The following DRD2 variants were observed in gnomAD, a reference collection of about 807,000 sequenced individuals.
The protein encoded by DRD2 is dopamine receptor D2, also known as D(2) dopamine receptor.
DRD2 carries 8 observed loss-of-function variants against 38.0 expected under a neutral mutation model. That is an observed-to-expected ratio of 0.21 (90% CI 0.12 to 0.38). The LOEUF (loss-of-function observed/expected upper bound fraction) is 0.38. Among genes scored for constraint, DRD2 ranks in the 10% least tolerant of loss-of-function variants. The pLI, the probability that DRD2 is intolerant of heterozygous loss-of-function variation, is 1.00. For synonymous variants in DRD2, 230 were observed against 238.6 expected, an observed-to-expected ratio of 0.96 and a Z score of 0.33; for missense variants, 403 against 607.7, an observed-to-expected ratio of 0.66 and a Z score of 3.54.
chr11:113,438,634 G>T (rs373414609), intron 1 of DRD2, among the ~76,000 whole-genome samples: 1 of 152,190 alleles, frequency 6.6e-6, no homozygotes, highest in Admixed American at 6.5e-5. Flanking sequence ...CACCTGGCAG[G>T]TGACCTTGGT....
intron 2 of DRD2, among the ~76,000 whole-genome samples, chr11:113,423,784 C>T (rs146985215): frequency 4.8e-3 from 729 of 152,294 alleles, no homozygotes; most frequent in Non-Finnish European, 7.9e-3. Context: ...CAGCCTCTAC[C>T]TGCAGGTCCT....
At chr11:113,418,161 T>C in intron 2 of DRD2, 25 bp from the exon 3 acceptor site, 1 of 1,589,672 alleles carries the variant, frequency 6.3e-7, no homozygotes, top group Admixed American at 1.7e-5. Context: ...ACATAATGGA[T>C]GGACAGCAGG....
intron 1 of DRD2, among the ~76,000 whole-genome samples, chr11:113,464,118 C>A (rs773909817): frequency 1.1e-4 from 17 of 152,212 alleles, no homozygotes; most frequent in Non-Finnish European, 2.5e-4. Flanking sequence ...ACTTGCCACC[C>A]TGTCTTCACC....
At chr11:113,452,463 T>TGCGCGCGC (rs1555167757) in intron 1 of DRD2, among the ~76,000 whole-genome samples, 3 of 89,668 alleles carry the variant, frequency 3.3e-5, no homozygotes, top group Admixed American at 1.4e-4. Flanking sequence ...TGTGTGTGTG[T>TGCGCGCGC]GTGTGTGCGC....
intron 5 of DRD2, among the ~76,000 whole-genome samples, chr11:113,414,979 A>G (rs1338907892): frequency 1.3e-5 from 2 of 152,180 alleles, no homozygotes; most frequent in African/African-American, 4.8e-5. Flanking sequence ...AATGAAAGAG[A>G]AGCACAGGAG....
rs948431086 is a variant in DRD2 at position 113,424,826 on chromosome 11, G to A, written c.-31-144C>T. On this transcript the variant is annotated intron_variant, in intron 1 of 7. Transcript: ENST00000362072. Reference sequence around the variant, plus strand: ...TTACGGCTAAGAATTTTCTAAAAATGTTGGGCCTTCTGCCACTCTTTTGCT... The same window carrying A: ...TTACGGCTAAGAATTTTCTAAAAATATTGGGCCTTCTGCCACTCTTTTGCT... 8 of 822,176 alleles carry A rather than the reference G, an allele frequency of 9.7e-6. No homozygotes were observed. In the Admixed American group the frequency reaches 1.1e-4, roughly 12 times the overall value. The allele number at this position is 822,176 out of a possible 1,614,324, so 50.9% of individuals were successfully genotyped here.
In DRD2 at chr11:113,410,289, G is replaced by A; in HGVS notation, c.*438C>T. 3.4e-6 allele frequency: 1 copy of A among 291,982 alleles called. No homozygotes were observed. Among genetic ancestry groups the A allele is most frequent in the Non-Finnish European group, 6.6e-6 (1 of 151,420 alleles). The allele number at this position is 291,982 out of a possible 1,614,324, so 18.1% of individuals were successfully genotyped here. The stretch of plus-strand genomic sequence containing the variant: ...AAGAGAGCTTGCTTGCCTCCTGTGG[G>A]CCTTGCAGGGTGTGAACTGTCCATC... On this transcript the variant is annotated 3_prime_UTR_variant, in exon 8 of 8. Coordinates refer to ENST00000362072, the MANE Select transcript of DRD2 (RefSeq NM_000795.4).
rs200902658 is a variant in DRD2, at chr11:113,410,591, C to T, written c.*136G>A. Reference sequence around the variant, plus strand: ...GGGCAGTGAGGAGCATGGAGCCAAGCGAACACTGCAGGGCCTGCCGGGGTG... The same window carrying T: ...GGGCAGTGAGGAGCATGGAGCCAAGTGAACACTGCAGGGCCTGCCGGGGTG... On this transcript the variant is annotated 3_prime_UTR_variant, in exon 8 of 8. Transcript: ENST00000362072. The T allele has an allele frequency of 1.4e-5, 16 of 1,121,710 alleles. No homozygotes were observed. The highest frequency in any genetic ancestry group is 1.7e-5 in the Non-Finnish European group (13 of 744,190). The allele number at this position is 1,121,710 out of a possible 1,614,324, so 69.5% of individuals were successfully genotyped here.
intron 1 of DRD2, among the ~76,000 whole-genome samples, chr11:113,466,468 G>T (rs1411027090): frequency 6.6e-6 from 1 of 152,166 alleles, no homozygotes; most frequent in Non-Finnish European, 1.5e-5. Flanking sequence ...GATTGAAGTA[G>T]GTTCCAACCA....
chr11:113,438,062 G>C (rs908667333), intron 1 of DRD2, among the ~76,000 whole-genome samples: 1 of 152,148 alleles, frequency 6.6e-6, no homozygotes, highest in Non-Finnish European at 1.5e-5. Context: ...TGCACCCACT[G>C]CTGCTGCATA....
At chr11:113,474,028 C>T (rs1366103579) in intron 1 of DRD2, among the ~76,000 whole-genome samples, 1 of 152,140 alleles carries the variant, frequency 6.6e-6, no homozygotes, top group African/African-American at 2.4e-5. Flanking sequence ...CCACAAAGTG[C>T]CTTGCACCTC....
chr11:113,423,933 C>T (rs1950910715), intron 2 of DRD2, among the ~76,000 whole-genome samples: 1 of 152,130 alleles, frequency 6.6e-6, no homozygotes, highest in African/African-American at 2.4e-5. Context: ...CTTGGGGATC[C>T]TTGCCGGTTA....
intron 1 of DRD2, among the ~76,000 whole-genome samples, chr11:113,432,325 T>TCC (rs1290102391): frequency 2.4e-5 from 3 of 126,940 alleles, no homozygotes; most frequent in Admixed American, 7.9e-5. Context: ...TCTCTCTCTC[T>TCC]CCCTCCCTCT....
At chr11:113,429,391 C>A (rs1950966513) in intron 1 of DRD2, among the ~76,000 whole-genome samples, 1 of 152,146 alleles carries the variant, frequency 6.6e-6, no homozygotes, top group Admixed American at 6.5e-5. Context: ...ACTACAGGTG[C>A]CCGCCACCAT....
At chr11:113,452,475 C>T (rs61902783) in intron 1 of DRD2, among the ~76,000 whole-genome samples, 21,659 of 81,262 alleles carry the variant, frequency 0.27, 1,934 homozygotes, top group East Asian at 0.42. Context: ...TGTGTGCGCG[C>T]GCGCGCGCGC....
intron 1 of DRD2, among the ~76,000 whole-genome samples, chr11:113,448,816 G>A (rs1311117854): frequency 2.6e-5 from 4 of 152,174 alleles, no homozygotes; most frequent in Admixed American, 6.5e-5. Flanking sequence ...CTGGGCCTGC[G>A]AAGAGGAGAC....
intron 2 of DRD2, among the ~76,000 whole-genome samples, chr11:113,420,555 A>C (rs1950875718): frequency 6.6e-6 from 1 of 152,146 alleles, no homozygotes; most frequent in East Asian, 1.9e-4. Flanking sequence ...TGCTTATCCC[A>C]CTCATAGGTG....
chr11:113,414,497 G>C, intron 5 of DRD2, 36 bp from the exon 6 acceptor site: 1 of 1,612,768 alleles, frequency 6.2e-7, no homozygotes, highest in Non-Finnish European at 8.5e-7. Context: ...CACACAAAGT[G>C]GTGGGGATGG....
At chr11:113,433,524 C>G (rs1951008081) in intron 1 of DRD2, among the ~76,000 whole-genome samples, 1 of 152,168 alleles carries the variant, frequency 6.6e-6, no homozygotes, top group Admixed American at 6.5e-5. Flanking sequence ...CACACTAATA[C>G]CCCATTTGCC....
Sources: gnomAD v4.1 joint callset for allele counts (sites outside exome capture counted in the v4.1 genomes callset) on GRCh38, gnomAD v4.1.1 for gene constraint, MANE v1.5 for transcripts, NCBI Gene and HGNC (gene_info 2026-07-23, HGNC 2026-07-21) for gene names.